Variants in TMEM132D observed in about 807,000 individuals in gnomAD.
TMEM132D encodes transmembrane protein 132D.
A neutral mutation model predicts 62.3 loss-of-function variants in TMEM132D; 21 were observed. That is an observed-to-expected ratio of 0.34 (90% CI 0.24 to 0.49). TMEM132D has a LOEUF of 0.49. Ranked by LOEUF, TMEM132D falls within the 20% of genes least tolerant of loss-of-function variation. The pLI is 0.99. For missense variants in TMEM132D, 1,346 were observed against 1,402.8 expected, an observed-to-expected ratio of 0.96 and a Z score of 0.65; for synonymous variants, 621 against 575.6, an observed-to-expected ratio of 1.08 and a Z score of -1.13.
At chr12:129,665,639 T>C (rs1880358996) in intron 2 of TMEM132D, among the ~76,000 whole-genome samples, 1 of 152,142 alleles carries the variant, frequency 6.6e-6, no homozygotes, top group Non-Finnish European at 1.5e-5. Flanking sequence ...CATAAGGGTT[T>C]CTAGACTTTG....
At chr12:129,522,626 G>T (rs909151027) in intron 3 of TMEM132D, 1 of 152,086 alleles carries the variant, frequency 6.6e-6, no homozygotes, top group Non-Finnish European at 1.5e-5. Flanking sequence ...AATGGCTGTC[G>T]CAAAGAACAC....
chr12:129,639,470 G>A (rs1565932352), intron 2 of TMEM132D, among the ~76,000 whole-genome samples: 1 of 150,876 alleles, frequency 6.6e-6, no homozygotes, highest in Non-Finnish European at 1.5e-5. Context: ...TTTACTCCAA[G>A]GGCTTTAAAT....
intron 1 of TMEM132D, among the ~76,000 whole-genome samples, chr12:129,891,707 A>G (rs1312628720): frequency 6.6e-6 from 1 of 152,250 alleles, no homozygotes; most frequent in Admixed American, 6.5e-5. Flanking sequence ...GTAGAAAAGT[A>G]TAAATTATGT....
intron 3 of TMEM132D, among the ~76,000 whole-genome samples, chr12:129,478,659 T>C (rs1469633433): frequency 6.6e-6 from 1 of 152,190 alleles, no homozygotes; most frequent in Admixed American, 6.5e-5. Context: ...ACGTAGATTG[T>C]CTTGGTTTCA....
At chr12:129,256,797 G>A (rs1880412713) in intron 4 of TMEM132D, among the ~76,000 whole-genome samples, 1 of 152,188 alleles carries the variant, frequency 6.6e-6, no homozygotes, top group South Asian at 2.1e-4. Flanking sequence ...TTGACCTCAG[G>A]TGATCCACCC....
intron 3 of TMEM132D, among the ~76,000 whole-genome samples, chr12:129,507,764 T>C (rs1875379711): frequency 6.6e-6 from 1 of 152,206 alleles, no homozygotes; most frequent in Admixed American, 6.5e-5. Flanking sequence ...CAGTGTATAC[T>C]GCTCGGTTGA....
intron 4 of TMEM132D, among the ~76,000 whole-genome samples, chr12:129,274,461 A>C (rs558900723): frequency 6.6e-6 from 1 of 152,334 alleles, no homozygotes; most frequent in South Asian, 2.1e-4. Flanking sequence ...TCTGGTGCCC[A>C]TATGGTCTCA....
intron 4 of TMEM132D, among the ~76,000 whole-genome samples, chr12:129,224,913 C>T (rs1175233557): frequency 6.6e-6 from 1 of 152,162 alleles, no homozygotes; most frequent in South Asian, 2.1e-4. Flanking sequence ...TCAAATGCTA[C>T]ATCTTCCTTG....
intron 1 of TMEM132D, among the ~76,000 whole-genome samples, chr12:129,815,578 C>T (rs767640016): frequency 1.3e-5 from 2 of 152,156 alleles, no homozygotes; most frequent in Non-Finnish European, 2.9e-5. Flanking sequence ...TAAATCAGAC[C>T]ATTGCAAGCA....
intron 3 of TMEM132D, among the ~76,000 whole-genome samples, chr12:129,347,258 C>T (rs1482480946): frequency 1.3e-5 from 2 of 152,114 alleles, no homozygotes; most frequent in Non-Finnish European, 2.9e-5. Context: ...CAAGACAGTC[C>T]TAAGCAAAAA....
chr12:129,417,057 C>T (rs916049595), intron 3 of TMEM132D, among the ~76,000 whole-genome samples: 3 of 152,090 alleles, frequency 2.0e-5, no homozygotes, highest in Non-Finnish European at 4.4e-5. Context: ...ATGATGCTGG[C>T]TTCATAAAAT....
chr12:129,151,491 C>G (rs1446029987), intron 5 of TMEM132D, among the ~76,000 whole-genome samples: 2 of 152,226 alleles, frequency 1.3e-5, no homozygotes, highest in African/African-American at 4.8e-5. Context: ...CCCTGACATG[C>G]CTCAGTTCCA....
chr12:129,268,131 C>T (rs1464184326), intron 4 of TMEM132D, among the ~76,000 whole-genome samples: 2 of 152,206 alleles, frequency 1.3e-5, no homozygotes, highest in Non-Finnish European at 2.9e-5. Context: ...TGGGCAAGGA[C>T]TTCAAGTCTA....
At chr12:129,299,711 A>G (rs576150427) in intron 4 of TMEM132D, among the ~76,000 whole-genome samples, 1 of 150,662 alleles carries the variant, frequency 6.6e-6, no homozygotes, top group South Asian at 2.1e-4. Context: ...TTGGTATTAG[A>G]TTTAATTTAC....
chr12:129,902,562 A>G (rs1426445519), intron 1 of TMEM132D, among the ~76,000 whole-genome samples: 1 of 152,206 alleles, frequency 6.6e-6, no homozygotes, highest in African/African-American at 2.4e-5. Context: ...TCCTGCCTTG[A>G]CACATGGCTT....
intron 1 of TMEM132D, among the ~76,000 whole-genome samples, chr12:129,708,629 AAACACACACAC>A (rs1178552937): frequency 7.3e-5 from 6 of 82,712 alleles, no homozygotes; most frequent in South Asian, 9.5e-4. Context: ...AAAAAAAAAA[AAACACACACAC>A]ACACACACAC....
intron 3 of TMEM132D, among the ~76,000 whole-genome samples, chr12:129,360,482 TGGATGG>T (rs1851279411): frequency 6.6e-6 from 1 of 152,112 alleles, no homozygotes; most frequent in South Asian, 2.1e-4. Flanking sequence ...CCTTGAGGAA[TGGATGG>T]GTTCTTAAAA....
chr12:129,077,965 A>G (rs944900799), intron 8 of TMEM132D, among the ~76,000 whole-genome samples: 3 of 152,184 alleles, frequency 2.0e-5, no homozygotes, highest in African/African-American at 4.8e-5. Flanking sequence ...AACACACTCT[A>G]TTAGCTCACA....
At chr12:129,418,042 A>G (rs7305197) in intron 3 of TMEM132D, among the ~76,000 whole-genome samples, 73,395 of 152,070 alleles carry the variant, frequency 0.48, 18,359 homozygotes, top group East Asian at 0.77. Flanking sequence ...TTAAAAGTCA[A>G]GAAACAACAG....
Sources: gnomAD v4.1 joint callset for allele counts (sites outside exome capture counted in the v4.1 genomes callset) on GRCh38, gnomAD v4.1.1 for gene constraint, MANE v1.5 for transcripts, NCBI Gene and HGNC (gene_info 2026-07-23, HGNC 2026-07-21) for gene names.